The following PDE1A variants were observed in gnomAD, a reference collection of about 807,000 sequenced individuals.
PDE1A encodes dual specificity calcium/calmodulin-dependent 3',5'-cyclic nucleotide phosphodiesterase 1A.
PDE1A carries 35 observed loss-of-function variants against 61.7 expected under a neutral mutation model. That is an observed-to-expected ratio of 0.57 (90% CI 0.43 to 0.75). The LOEUF is 0.75. PDE1A is among the 30% of genes least tolerant of loss of function. The pLI is 0.00. For synonymous variants in PDE1A, 232 were observed against 213.2 expected (o/e 1.09, Z -0.77); for missense variants, 597 against 630.6 (o/e 0.95, Z 0.57).
intron 2 of PDE1A, among the ~76,000 whole-genome samples, chr2:182,439,066 T>C (rs1454857375): frequency 6.6e-6 from 1 of 152,008 alleles, no homozygotes; most frequent in East Asian, 1.9e-4. Flanking sequence ...TAAGGTGTAC[T>C]GAATGAAAAA....
the PDE1A span, among the ~76,000 whole-genome samples, chr2:182,535,118 T>A: frequency 1.3e-5 from 2 of 152,106 alleles, no homozygotes; most frequent in African/African-American, 2.4e-5. Context: ...GAAGCACCTC[T>A]ACTATTTCAT....
At chr2:182,438,084 C>T (rs902882337) in intron 2 of PDE1A, among the ~76,000 whole-genome samples, 2 of 151,866 alleles carry the variant, frequency 1.3e-5, no homozygotes, top group Non-Finnish European at 1.5e-5. Flanking sequence ...TATTCACCTT[C>T]CTAGCCATTA....
upstream of PDE1A, among the ~76,000 whole-genome samples, chr2:182,431,645 C>A (rs951612632): frequency 6.6e-6 from 1 of 152,122 alleles, no homozygotes; most frequent in Non-Finnish European, 1.5e-5. Flanking sequence ...TAACACATTT[C>A]TTGCTACAAG....
the PDE1A span, among the ~76,000 whole-genome samples, chr2:182,602,498 T>G: frequency 9.2e-3 from 1,401 of 152,336 alleles, 12 homozygotes; most frequent in Middle Eastern, 0.027. Context: ...AACCCACAGA[T>G]TCAGGAACAA....
the PDE1A span, among the ~76,000 whole-genome samples, chr2:182,563,716 C>T: frequency 1.3e-5 from 2 of 152,176 alleles, no homozygotes; most frequent in South Asian, 2.1e-4. Flanking sequence ...TCACTCAGGA[C>T]TTGCTTTATG....
chr2:182,260,887 G>A (rs903913289), intron 2 of PDE1A, among the ~76,000 whole-genome samples: 3 of 151,298 alleles, frequency 2.0e-5, no homozygotes, highest in African/African-American at 7.3e-5. Flanking sequence ...AAGCCCTAGG[G>A]TCAGACTGCC....
At chr2:182,501,483 CA>C (rs1349865804) in intron 2 of PDE1A, among the ~76,000 whole-genome samples, 1 of 152,186 alleles carries the variant, frequency 6.6e-6, no homozygotes, top group Non-Finnish European at 1.5e-5. Flanking sequence ...GCCATGCTTT[CA>C]AACAGCCTCT....
chr2:182,161,202 G>A (rs1321392110), intron 13 of PDE1A, among the ~76,000 whole-genome samples: 1 of 152,164 alleles, frequency 6.6e-6, no homozygotes, highest in East Asian at 1.9e-4. Context: ...TGTCCTGAAG[G>A]AGAAGGAGAA....
the PDE1A span, among the ~76,000 whole-genome samples, chr2:182,559,410 G>C: frequency 6.6e-6 from 1 of 152,134 alleles, no homozygotes; most frequent in Non-Finnish European, 1.5e-5. Context: ...ATATAATCAT[G>C]ATTTTAAACC....
At chr2:182,483,102 A>T (rs561208202) in intron 2 of PDE1A, among the ~76,000 whole-genome samples, 1 of 152,084 alleles carries the variant, frequency 6.6e-6, no homozygotes, top group Admixed American at 6.6e-5. Context: ...GATCATTCAT[A>T]ATGGTCAGAG....
At chr2:182,334,274 ACACACACACACACACATG>A (rs1697628117) in intron 1 of PDE1A, among the ~76,000 whole-genome samples, 1 of 151,266 alleles carries the variant, frequency 6.6e-6, no homozygotes, top group African/African-American at 2.4e-5. Flanking sequence ...AGAGACACAC[ACACACACACACACACATG>A]CACACACACA....
the PDE1A span, among the ~76,000 whole-genome samples, chr2:182,574,903 G>T: frequency 6.6e-6 from 1 of 152,124 alleles, no homozygotes; most frequent in South Asian, 2.1e-4. Context: ...TGTTGGCCAG[G>T]CTGGTCTTGA....
At chr2:182,467,448 G>A (rs1270869810) in intron 2 of PDE1A, among the ~76,000 whole-genome samples, 1 of 151,866 alleles carries the variant, frequency 6.6e-6, no homozygotes, top group Non-Finnish European at 1.5e-5. Context: ...GACCCAGATA[G>A]CTTCAATGGG....
chr2:182,448,910 A>C (rs1319370363), intron 2 of PDE1A, among the ~76,000 whole-genome samples: 1 of 152,062 alleles, frequency 6.6e-6, no homozygotes, highest in East Asian at 1.9e-4. Context: ...CACAAGACAT[A>C]CTAAAGCAAT....
the PDE1A span, among the ~76,000 whole-genome samples, chr2:182,548,891 G>A: frequency 1.3e-5 from 2 of 152,218 alleles, no homozygotes; most frequent in Non-Finnish European, 2.9e-5. Context: ...AATGTTCCAT[G>A]TGGATAATCA....
chr2:182,668,399 C>T, the PDE1A span, among the ~76,000 whole-genome samples: 2 of 151,826 alleles, frequency 1.3e-5, no homozygotes, highest in Admixed American at 1.3e-4. Context: ...TTAGACCAGA[C>T]CAATCAACTT....
chr2:182,340,742 A>C (rs1459774543), intron 1 of PDE1A, among the ~76,000 whole-genome samples: 2 of 152,204 alleles, frequency 1.3e-5, no homozygotes, highest in African/African-American at 4.8e-5. Context: ...CTGGGTATTA[A>C]AAATAATTTA....
intron 1 of PDE1A, among the ~76,000 whole-genome samples, chr2:182,422,455 T>G (rs1703339810): frequency 6.6e-6 from 1 of 152,186 alleles, no homozygotes; most frequent in African/African-American, 2.4e-5. Flanking sequence ...AAGCCCAGGC[T>G]TAAATGGTTT....
chr2:182,390,330 T>C (rs1042175115), intron 1 of PDE1A, among the ~76,000 whole-genome samples: 2 of 152,194 alleles, frequency 1.3e-5, no homozygotes, highest in African/African-American at 4.8e-5. Flanking sequence ...AGAACACTGA[T>C]AGTCTTTGGC....
Sources: gnomAD v4.1 joint callset for allele counts (sites outside exome capture counted in the v4.1 genomes callset) on GRCh38, gnomAD v4.1.1 for gene constraint, MANE v1.5 for transcripts, NCBI Gene and HGNC (gene_info 2026-07-23, HGNC 2026-07-21) for gene names.